The following ST3GAL1 variants were observed in gnomAD, a reference collection of about 807,000 sequenced individuals.
ST3GAL1 encodes ST3 beta-galactoside alpha-2,3-sialyltransferase 1.
A neutral mutation model predicts 34.1 loss-of-function variants in ST3GAL1; 16 were observed. That is an observed-to-expected ratio of 0.47 (90% CI 0.32 to 0.71). ST3GAL1 has a LOEUF of 0.71. ST3GAL1 is among the 30% of genes least tolerant of loss of function. The pLI, the probability that ST3GAL1 is intolerant of heterozygous loss-of-function variation, is 0.04. For missense variants in ST3GAL1, 353 were observed against 447.4 expected (o/e 0.79, Z 1.90); for synonymous variants, 191 against 184.7 (o/e 1.03, Z -0.28).
intron 2 of ST3GAL1, among the ~76,000 whole-genome samples, chr8:133,519,022 C>A (rs1040769715): frequency 1.8e-4 from 27 of 152,008 alleles, no homozygotes; most frequent in Admixed American, 1.6e-3. Context: ...GAGGTGCAAA[C>A]GTCTGTCTAT....
At position 133,571,091 on chromosome 8, in the gene ST3GAL1, G is replaced by C. The variant is rs1819553423; in HGVS notation, c.-582+602C>G. 6.6e-6 allele frequency among the ~76,000 whole-genome samples: 1 copy of C among 152,174 alleles called. No individual in the cohort carries two copies. The highest frequency in any genetic ancestry group is 1.9e-4 in the East Asian group (1 of 5,174). On this transcript the variant is annotated intron_variant, in intron 1 of 9. Transcript: ENST00000522652. This position sits in a 1 kb window ranked among gnomAD's most constrained non-coding sequence, Gnocchi z 6.7. ...CAGCGCGCTCTGACGGCGTCCCCGG[G>C]GCCGATAGCCACCTCCCGGATCTGC...
In ST3GAL1 at chr8:133,455,506, G is replaced by A. The variant is rs950679674; in HGVS notation, c.*4258C>T. 2.6e-5 allele frequency: 4 copies of A among 152,196 alleles called. No individual in the cohort carries two copies. The highest frequency in any genetic ancestry group is 1.3e-4 in the Admixed American group (2 of 15,286). The allele number at this position is 152,196 out of a possible 1,614,324, so 9.4% of individuals were successfully genotyped here. A position where few individuals can be genotyped will look rare whatever the true frequency, so the allele number is the denominator to read the frequency against. On this transcript the variant is annotated 3_prime_UTR_variant, in exon 10 of 10. Coordinates refer to ENST00000522652, the MANE Select transcript of ST3GAL1 (RefSeq NM_173344.3). ...TAGCACCCCAGGGGTGCAGGAGCTG[G>A]TGTTTTCATGACAAACAAAAATGGG...
rs185209543 is a variant in ST3GAL1, at chr8:133,508,364, C to G, written c.-428-9175G>C. Among the ~76,000 whole-genome samples the G allele has an allele frequency of 2.6e-5, 4 of 152,276 alleles. No homozygotes were observed. The highest frequency in any genetic ancestry group is 2.6e-4 in the Admixed American group (4 of 15,290). On this transcript the variant is annotated intron_variant, in intron 2 of 9. Coordinates refer to ENST00000522652, the MANE Select transcript of ST3GAL1 (RefSeq NM_173344.3). The surrounding 1 kb of genome is among the most constrained non-coding windows in gnomAD (Gnocchi z 4.1). ...AGGTTTGTGGGACAGCCTCATGGTA[C>G]AGTTTGTGCTCTGGGGTTGGCCGTG... is the stretch of plus-strand genomic sequence containing the variant.
At chr8:133,569,943 T>G (rs1280523978) in intron 1 of ST3GAL1, among the ~76,000 whole-genome samples, 1 of 152,250 alleles carries the variant, frequency 6.6e-6, no homozygotes, top group Non-Finnish European at 1.5e-5. Flanking sequence ...CCTAAAGGGC[T>G]TGGTCGATAC....
intron 2 of ST3GAL1, among the ~76,000 whole-genome samples, chr8:133,523,530 G>A (rs570505533): frequency 2.6e-5 from 4 of 152,304 alleles, no homozygotes; most frequent in Admixed American, 6.5e-5. Context: ...GCACTGGAAG[G>A]ATGCATCAGG....
intron 2 of ST3GAL1, among the ~76,000 whole-genome samples, chr8:133,512,931 C>T (rs977441896): frequency 2.0e-5 from 3 of 152,160 alleles, no homozygotes; most frequent in Non-Finnish European, 2.9e-5. Context: ...TAAGATCAAA[C>T]CTGACAATCC....
chr8:133,546,232 C>A (rs2131075878), intron 1 of ST3GAL1, among the ~76,000 whole-genome samples: 1 of 152,326 alleles, frequency 6.6e-6, no homozygotes, highest in South Asian at 2.1e-4. Flanking sequence ...CCTGTAATCC[C>A]AGCACTTTGG....
chr8:133,514,317 G>A (rs897093853), intron 2 of ST3GAL1, among the ~76,000 whole-genome samples: 2 of 152,088 alleles, frequency 1.3e-5, no homozygotes, highest in Non-Finnish European at 2.9e-5. Flanking sequence ...ACAGGCATTG[G>A]GTACTATTCA....
intron 3 of ST3GAL1, among the ~76,000 whole-genome samples, chr8:133,480,082 AAAG>A (rs1346981920): frequency 1.3e-5 from 2 of 152,098 alleles, no homozygotes; most frequent in Non-Finnish European, 2.9e-5. Flanking sequence ...GAACAAGGAG[AAAG>A]AAGAGAGGGA....
chr8:133,493,503 C>T (rs577095077), intron 3 of ST3GAL1, among the ~76,000 whole-genome samples: 2 of 152,268 alleles, frequency 1.3e-5, no homozygotes, highest in South Asian at 4.1e-4. Flanking sequence ...TAAGCCTCAG[C>T]TCCCTTCAGA....
rs1053732169 is a variant in ST3GAL1 at position 133,508,436 on chromosome 8, G to C, written c.-428-9247C>G. Among the ~76,000 whole-genome samples the C allele has an allele frequency of 2.6e-5, 4 of 152,130 alleles. No homozygotes were observed. Among genetic ancestry groups the C allele is most frequent in the African/African-American group, 9.7e-5 (4 of 41,418 alleles). ...CTAGCTGGGAGCACATCCCTGCTCA[G>C]CAGCTCCCCTGCGTAGCCCTGTGTC... On this transcript the variant is annotated intron_variant, in intron 2 of 9. Coordinates refer to ENST00000522652, the MANE Select transcript of ST3GAL1 (RefSeq NM_173344.3). This position sits in a 1 kb window ranked among gnomAD's most constrained non-coding sequence, Gnocchi z 4.1.
intron 1 of ST3GAL1, among the ~76,000 whole-genome samples, chr8:133,555,990 T>A (rs993414105): frequency 1.3e-5 from 2 of 152,148 alleles, no homozygotes; most frequent in South Asian, 2.1e-4. Flanking sequence ...GCCTCCCAAG[T>A]TCAAGCAATT....
At chr8:133,510,655 TA>T (rs1817477401) in intron 2 of ST3GAL1, among the ~76,000 whole-genome samples, 1 of 152,228 alleles carries the variant, frequency 6.6e-6, no homozygotes, top group African/African-American at 2.4e-5. Flanking sequence ...TTAATTAAAA[TA>T]ATTAGCTAAT....
chr8:133,499,658 C>T (rs1211924623), intron 2 of ST3GAL1, among the ~76,000 whole-genome samples: 1 of 152,154 alleles, frequency 6.6e-6, no homozygotes, highest in East Asian at 1.9e-4. Context: ...CTGCTGTGTG[C>T]CTGGCACTGG....
intron 2 of ST3GAL1, among the ~76,000 whole-genome samples, chr8:133,532,091 T>G (rs1157471507): frequency 6.6e-6 from 1 of 152,198 alleles, no homozygotes; most frequent in Non-Finnish European, 1.5e-5. Context: ...TTAAGCCAGA[T>G]AGTAAAGGGA....
At position 133,464,846 on chromosome 8, in the gene ST3GAL1, G is replaced by A. The variant is rs1156417892; in HGVS notation, c.615C>T (p.Ile205=). 6.2e-7 allele frequency: 1 copy of A among 1,613,976 alleles called. No individual in the cohort carries two copies. The highest frequency in any genetic ancestry group is 8.5e-7 in the Non-Finnish European group (1 of 1,179,986). ...FRELGDNVSM[I]LVPFKTIDLE... ...AGTCGATGGTCTTGAAGGGCACCAG[G>A]ATCATGCTGACATTATCTCCCAGCT... The change falls in exon 7 of 10, where the codon ATC becomes ATT. Residue 205 remains isoleucine (I), a synonymous_variant. Coordinates refer to ENST00000522652, the MANE Select transcript of ST3GAL1 (RefSeq NM_173344.3).
intron 1 of ST3GAL1, among the ~76,000 whole-genome samples, chr8:133,565,978 G>A (rs2131118349): frequency 6.6e-6 from 1 of 152,374 alleles, no homozygotes; most frequent in Middle Eastern, 3.4e-3. Context: ...AGCGTCCACT[G>A]CAGGTGCCTT....
chr8:133,562,809 CCTTCCT>C (rs1302211023), intron 1 of ST3GAL1, among the ~76,000 whole-genome samples: 6 of 117,012 alleles, frequency 5.1e-5, no homozygotes, highest in Non-Finnish European at 8.4e-5. Context: ...TTCCTTCCTT[CCTTCCT>C]TCCTTCCTTC....
At chr8:133,462,021 T>G (rs766786357) in intron 8 of ST3GAL1, 27 bp from the exon 9 acceptor site, 31 of 1,613,474 alleles carry the variant, frequency 1.9e-5, no homozygotes, top group Middle Eastern at 1.6e-4. Context: ...ACACGGCCCT[T>G]AGTGAGTTCT....
Sources: allele counts gnomAD v4.1 joint callset (sites outside exome capture counted in the v4.1 genomes callset), GRCh38; gene constraint gnomAD v4.1.1; non-coding constraint Gnocchi (gnomAD v3.1); transcripts MANE v1.5; gene names NCBI Gene and HGNC (gene_info 2026-07-23, HGNC 2026-07-21).